PDXDC1: variants seen among roughly 807,000 people sequenced by gnomAD.
PDXDC1 encodes the protein pyridoxal dependent decarboxylase domain containing 1.
A neutral mutation model predicts 100.1 loss-of-function variants in PDXDC1; 42 were observed. The observed-to-expected ratio is 0.42, with a 90% CI of 0.33 to 0.54. The LOEUF (loss-of-function observed/expected upper bound fraction) is 0.54. Among genes scored for constraint, PDXDC1 ranks in the 20% least tolerant of loss-of-function variants. The probability of loss-of-function intolerance (pLI) is 0.10; values close to 1 mark genes in which losing one functional copy is unlikely to be tolerated. For missense variants in PDXDC1, 636 were observed against 979.2 expected (o/e 0.65, Z 4.68); for synonymous variants, 260 against 371.7 (o/e 0.70, Z 3.46).
chr16:15,004,904 G>A (rs1172280892), intron 5 of PDXDC1, among the ~76,000 whole-genome samples: 1 of 152,280 alleles, frequency 6.6e-6, no homozygotes, highest in African/African-American at 2.4e-5. Flanking sequence ...AGGGAATAAT[G>A]ACAAGGAAAA....
At chr16:15,072,588 T>C (rs2941257) in intron 16 of PDXDC1, among the ~76,000 whole-genome samples, 97,786 of 151,704 alleles carry the variant, frequency 0.64, 33,214 homozygotes, top group Non-Finnish European at 0.74. Flanking sequence ...AGATCACTTG[T>C]GGTCAGGAGT....
intron 16 of PDXDC1, among the ~76,000 whole-genome samples, chr16:15,077,370 T>C (rs1335715306): frequency 1.3e-5 from 2 of 152,100 alleles, no homozygotes; most frequent in African/African-American, 2.4e-5. Flanking sequence ...TAGGGTAGGT[T>C]TCCCCCATAC....
At chr16:15,097,741 T>C (rs1233798875) in intron 16 of PDXDC1, among the ~76,000 whole-genome samples, 4 of 152,022 alleles carry the variant, frequency 2.6e-5, no homozygotes, top group Non-Finnish European at 4.4e-5. Flanking sequence ...TCTGTGCTGC[T>C]CTCGGATCCC....
At chr16:15,129,089 G>A (rs1298340455) in intron 16 of PDXDC1, among the ~76,000 whole-genome samples, 1 of 151,794 alleles carries the variant, frequency 6.6e-6, no homozygotes, top group Admixed American at 6.6e-5. Flanking sequence ...ACAGGTGTGA[G>A]CCACCGCGCC....
rs2043451114 is a variant in PDXDC1 at position 15,036,323 on chromosome 16, A to T, written c.*48A>T. 6.7e-7 allele frequency: 1 copy of T among 1,497,190 alleles called. No homozygotes were observed. Among genetic ancestry groups the T allele is most frequent in the Non-Finnish European group, 9.1e-7 (1 of 1,093,706 alleles). The allele number at this position is 1,497,190 out of a possible 1,614,324, so 92.7% of individuals were successfully genotyped here. On this transcript the variant is annotated 3_prime_UTR_variant, in exon 23 of 23. Transcript: ENST00000396410. ...TGTACTGAGTATTGTTTCAGGGAAG[A>T]TGAAGTTCTATTGGAAATGTGAACT...
chr16:15,017,228 C>G, intron 10 of PDXDC1, 60 bp downstream of exon 10: 1 of 1,609,880 alleles, frequency 6.2e-7, no homozygotes, highest in Non-Finnish European at 8.5e-7. Context: ...GTCACTCAGT[C>G]CCTCATGGCT....
At chr16:15,086,664 C>T (rs1226275952) in intron 16 of PDXDC1, among the ~76,000 whole-genome samples, 1 of 152,128 alleles carries the variant, frequency 6.6e-6, no homozygotes, top group Non-Finnish European at 1.5e-5. Flanking sequence ...AACTCTAATA[C>T]ACAGGAGAAA....
chr16:14,979,601 A>G (rs1967491159), intron 1 of PDXDC1, among the ~76,000 whole-genome samples: 1 of 152,288 alleles, frequency 6.6e-6, no homozygotes, highest in African/African-American at 2.4e-5. Context: ...ATTACTTGTT[A>G]TATCTAATTC....
At chr16:15,104,263 G>A (rs1366911263) in intron 16 of PDXDC1, 38 of 1,360,000 alleles carry the variant, frequency 2.8e-5, no homozygotes, top group Non-Finnish European at 2.9e-5. Flanking sequence ...GGTCCCTCAG[G>A]CAATCATACC....
intron 3 of PDXDC1, among the ~76,000 whole-genome samples, chr16:14,999,360 C>T (rs1178840552): frequency 6.6e-6 from 1 of 152,160 alleles, no homozygotes. Context: ...AGCCACCGCA[C>T]CTGGCCAAAA....
At chr16:15,083,465 T>C (rs1324786503) in intron 16 of PDXDC1, 5 of 1,604,710 alleles carry the variant, frequency 3.1e-6, no homozygotes, top group Admixed American at 3.4e-5. Context: ...TAAAATGAAA[T>C]CGTACAAACA....
intron 1 of PDXDC1, chr16:14,990,128 C>T: frequency 1.5e-5 from 22 of 1,458,188 alleles, no homozygotes; most frequent in Non-Finnish European, 1.9e-5. Context: ...ACAGCAGTCC[C>T]GGCAGCCCCT....
chr16:15,132,391 TTAGGGGAGGGAAGGGGCAGGGGAGGGGC>T (rs2048141956), intron 16 of PDXDC1, among the ~76,000 whole-genome samples: 6 of 11,420 alleles, frequency 5.3e-4, no homozygotes, highest in African/African-American at 2.1e-3. Flanking sequence ...AGGGGAGGGG[TTAGGGGAGGGAAGGGGCAGGGGAGGGGC>T]TAGGGGAGGG....
rs753154831 is a variant in PDXDC1 at position 15,034,488 on chromosome 16, C to G, written c.1937C>G (p.Ser646Cys). ...GVLRQIPVVG[S>C]VLNWFSPVQA... is the part of the protein sequence containing the mutation. ...TTGCGGCAGATCCCTGTAGTGGGCT[C>G]CGTGCTGAATTGGTTTTCTCCGGTC... is the stretch of plus-strand genomic sequence containing the variant. The change falls in exon 21 of 23, where the codon TCC becomes TGC. Residue 646 changes from serine to cysteine, a missense_variant. Physicochemically the swap from Ser to Cys is moderately radical, Grantham distance 112 (BLOSUM62 -1). This residue lies in a region of PDXDC1 where 452 missense variants were observed against 402.9 expected (regional missense o/e 1.12). Coordinates refer to ENST00000396410, the MANE Select transcript of PDXDC1 (RefSeq NM_015027.4). The G allele has an allele frequency of 1.2e-6, 2 of 1,614,142 alleles. No homozygotes were observed. The highest frequency in any genetic ancestry group is 1.7e-6 in the Non-Finnish European group (2 of 1,180,018).
At chr16:14,989,178 G>T (rs975266067) in intron 1 of PDXDC1, 2 of 1,614,060 alleles carry the variant, frequency 1.2e-6, no homozygotes, top group Non-Finnish European at 1.7e-6. Flanking sequence ...AAGCAGCTCC[G>T]CCGCTGGCAT....
chr16:15,011,374 C>T (rs1265970612), intron 8 of PDXDC1, among the ~76,000 whole-genome samples: 4 of 152,290 alleles, frequency 2.6e-5, no homozygotes, highest in Non-Finnish European at 5.9e-5. Flanking sequence ...AATCTTAACC[C>T]TTATCTTATT....
At chr16:15,047,995 AC>A (rs770095105) in intron 16 of PDXDC1, 2 of 1,608,830 alleles carry the variant, frequency 1.2e-6, no homozygotes, top group African/African-American at 2.7e-5. Flanking sequence ...TTCCTAACCT[AC>A]CATCCTTTGG....
intron 4 of PDXDC1, among the ~76,000 whole-genome samples, chr16:15,003,914 G>T (rs1973719560): frequency 6.6e-6 from 1 of 152,272 alleles, no homozygotes; most frequent in Admixed American, 6.5e-5. Flanking sequence ...AACCCAGGAG[G>T]TGGAGGTTGT....
chr16:15,006,127 G>C (rs1449151249), intron 5 of PDXDC1, among the ~76,000 whole-genome samples: 2 of 152,278 alleles, frequency 1.3e-5, no homozygotes, highest in Admixed American at 1.3e-4. Flanking sequence ...TTTTATATCT[G>C]AGAATTCCTG....
Sources: gnomAD v4.1 joint callset for allele counts (sites outside exome capture counted in the v4.1 genomes callset) on GRCh38, gnomAD v4.1.1 for gene constraint, gnomAD v4.1.1 regional missense constraint, MANE v1.5 for transcripts, NCBI Gene and HGNC (gene_info 2026-07-23, HGNC 2026-07-21) for gene names.